GPC4: variants seen among roughly 807,000 people sequenced by gnomAD.
The protein encoded by GPC4 is glypican-4.
GPC4 carries 10 observed loss-of-function variants against 35.0 expected under a neutral mutation model. That is an observed-to-expected ratio of 0.29 (90% CI 0.18 to 0.48). The LOEUF is 0.48. Ranked by LOEUF, GPC4 falls within the 20% of genes least tolerant of loss-of-function variation. GPC4 has a pLI of 0.99. For missense variants in GPC4, 322 were observed against 451.3 expected (o/e 0.71, Z 2.60); for synonymous variants, 167 against 170.2 (o/e 0.98, Z 0.15).
intron 1 of GPC4, among the ~76,000 whole-genome samples, chrX:133,351,793 T>A (rs1042359155): frequency 4.5e-5 from 5 of 112,321 alleles, no homozygotes; most frequent in African/African-American, 1.6e-4. Context: ...AGAGATTATC[T>A]GGGAATGGAA....
chrX:133,411,542 T>A (rs908227029), intron 1 of GPC4, among the ~76,000 whole-genome samples: 1 of 111,589 alleles, frequency 9.0e-6, no homozygotes, highest in African/African-American at 3.3e-5. Flanking sequence ...TTGAAATGCC[T>A]GGGCACTCCC....
chrX:133,329,638 A>G (rs1753762039), intron 2 of GPC4, among the ~76,000 whole-genome samples: 1 of 111,096 alleles, frequency 9.0e-6, no homozygotes, highest in African/African-American at 3.3e-5. Context: ...AGAGAATACC[A>G]TACACACACC....
chrX:133,319,490 A>G (rs1324846914), intron 3 of GPC4, among the ~76,000 whole-genome samples: 1 of 107,447 alleles, frequency 9.3e-6, no homozygotes, highest in Non-Finnish European at 1.9e-5. Flanking sequence ...GAAAGAAAGA[A>G]AGACCTCTTT....
At chrX:133,322,796 G>T (rs1603063393) in intron 3 of GPC4, among the ~76,000 whole-genome samples, 1 of 112,312 alleles carries the variant, frequency 8.9e-6, no homozygotes, top group East Asian at 2.8e-4. Context: ...CTGTTGTTGT[G>T]CATCCAGGCT....
intron 4 of GPC4, among the ~76,000 whole-genome samples, chrX:133,308,375 G>A (rs1215943847): frequency 3.6e-5 from 4 of 112,211 alleles, no homozygotes; most frequent in African/African-American, 1.3e-4. Context: ...TCAAATGAGT[G>A]TTAACACAGC....
chrX:133,367,085 T>C (rs2068592913), intron 1 of GPC4, among the ~76,000 whole-genome samples: 2 of 112,212 alleles, frequency 1.8e-5, no homozygotes, highest in Non-Finnish European at 3.8e-5. Context: ...GCTGCTCAGG[T>C]GGCTCCCACC....
chrX:133,326,234 G>C (rs2068393001), intron 2 of GPC4, among the ~76,000 whole-genome samples: 1 of 111,362 alleles, frequency 9.0e-6, no homozygotes, highest in Admixed American at 9.6e-5. Flanking sequence ...TGAGAGGGCA[G>C]AAACTGCACA....
intron 1 of GPC4, among the ~76,000 whole-genome samples, chrX:133,349,042 CT>C (rs980972550): frequency 1.8e-5 from 2 of 112,125 alleles, no homozygotes; most frequent in Non-Finnish European, 3.8e-5. Flanking sequence ...TTGGTGAGGA[CT>C]TTTTTTCCCT....
intron 1 of GPC4, among the ~76,000 whole-genome samples, chrX:133,375,080 C>A (rs1327928879): frequency 1.8e-5 from 2 of 112,386 alleles, no homozygotes; most frequent in Non-Finnish European, 3.8e-5. Context: ...CCATTTCAGA[C>A]CTCAATTTGT....
chrX:133,335,250 A>G (rs1177246980), intron 2 of GPC4, among the ~76,000 whole-genome samples: 3 of 111,488 alleles, frequency 2.7e-5, no homozygotes, highest in Non-Finnish European at 3.8e-5. Flanking sequence ...CACTACCACA[A>G]TCTGGCTCTA....
chrX:133,404,347 A>T, intron 1 of GPC4, among the ~76,000 whole-genome samples: 1 of 106,203 alleles, frequency 9.4e-6, no homozygotes, highest in East Asian at 3.1e-4. Context: ...GGAGTTCAAG[A>T]CCAGCATGAC....
At chrX:133,374,768 A>AAT (rs1352438511) in intron 1 of GPC4, among the ~76,000 whole-genome samples, 1 of 112,255 alleles carries the variant, frequency 8.9e-6, no homozygotes, top group African/African-American at 3.2e-5. Flanking sequence ...ACAATACAGA[A>AAT]ATGTATTAAG....
At chrX:133,404,056 T>C (rs975553109) in intron 1 of GPC4, among the ~76,000 whole-genome samples, 8 of 111,520 alleles carry the variant, frequency 7.2e-5, no homozygotes, top group African/African-American at 2.3e-4. Flanking sequence ...CCTTAACTTC[T>C]AGTGTTTCTT....
At chrX:133,319,314 C>T (rs1404742267) in intron 3 of GPC4, among the ~76,000 whole-genome samples, 5 of 107,202 alleles carry the variant, frequency 4.7e-5, no homozygotes, top group African/African-American at 1.4e-4. Flanking sequence ...TGTGGTGGCA[C>T]GTGCCTGTAG....
At chrX:133,390,595 C>T (rs1046559079) in intron 1 of GPC4, among the ~76,000 whole-genome samples, 1 of 112,043 alleles carries the variant, frequency 8.9e-6, no homozygotes, top group East Asian at 2.8e-4. Flanking sequence ...AGGAAGGAGA[C>T]AAAAACCATT....
chrX:133,409,279 C>T (rs1483075313), intron 1 of GPC4, among the ~76,000 whole-genome samples: 1 of 88,199 alleles, frequency 1.1e-5, no homozygotes, highest in African/African-American at 4.3e-5. Flanking sequence ...GGCAAGATCA[C>T]GCCACTGCAC....
At position 133,300,957 on chromosome X, in the gene GPC4, T is replaced by C. The variant is rs2239463; in HGVS notation, c.*1910A>G. 0.42 allele frequency: 46,158 copies of C among 109,673 alleles called. 8,638 individuals are homozygous for C. The highest frequency in any genetic ancestry group is 0.73 in the African/African-American group (21,836 of 29,712). The allele number at this position is 109,673 out of a possible 1,213,427, so 9.0% of individuals were successfully genotyped here. A position where few individuals can be genotyped will look rare whatever the true frequency, so the allele number is the denominator to read the frequency against. ...TAGCTATTTACAATCTATTTTCCCT[T>C]ATATATAAATGGAGTGCCTTTTCAA... On this transcript the variant is annotated 3_prime_UTR_variant, in exon 9 of 9. Transcript: ENST00000370828.
chrX:133,359,740 C>A (rs1211689913), intron 1 of GPC4, among the ~76,000 whole-genome samples: 1 of 111,190 alleles, frequency 9.0e-6, no homozygotes, highest in Non-Finnish European at 1.9e-5. Flanking sequence ...TGATGCCCTG[C>A]ATCTAATCAA....
intron 2 of GPC4, among the ~76,000 whole-genome samples, chrX:133,330,925 G>C (rs1047774826): frequency 9.1e-6 from 1 of 109,624 alleles, no homozygotes; most frequent in African/African-American, 3.4e-5. Flanking sequence ...CTGGGCAACA[G>C]AGTGAGACCC....
Sources: gnomAD v4.1 joint callset for allele counts (sites outside exome capture counted in the v4.1 genomes callset) on GRCh38, gnomAD v4.1.1 for gene constraint, MANE v1.5 for transcripts, NCBI Gene and HGNC (gene_info 2026-07-23, HGNC 2026-07-21) for gene names.